The following RCC1L variants were observed in gnomAD, a reference collection of about 807,000 sequenced individuals.
The protein encoded by RCC1L is RCC1-like G exchanging factor-like protein.
Under a neutral mutation model 58.6 loss-of-function variants are expected in RCC1L, and 46 were observed. That is an observed-to-expected ratio of 0.79 (90% CI 0.62 to 1.00). The LOEUF (loss-of-function observed/expected upper bound fraction) is 1.00. RCC1L is among the 50% of genes least tolerant of loss of function. RCC1L has a pLI of 0.00. For missense variants in RCC1L, 636 were observed against 623.6 expected (o/e 1.02, Z -0.21); for synonymous variants, 281 against 262.9 (o/e 1.07, Z -0.67).
chr7:75,053,952 C>T (rs915492643), intron 9 of RCC1L, among the ~76,000 whole-genome samples: 2 of 152,122 alleles, frequency 1.3e-5, no homozygotes, highest in Non-Finnish European at 1.5e-5. Flanking sequence ...GCCCAGGCTG[C>T]GACGCAGTGG....
intron 2 of RCC1L, among the ~76,000 whole-genome samples, chr7:75,068,216 A>ATTTACCTATCCTCAGCTTGCCC (rs1273500412): frequency 9.2e-5 from 14 of 151,756 alleles, no homozygotes; most frequent in African/African-American, 3.4e-4. Context: ...GCTACCTGGA[A>ATTTACCTATCCTCAGCTTGCCC]AGCTGAGGCA....
chr7:75,028,231 C>T (rs1289801670), intron 10 of RCC1L, among the ~76,000 whole-genome samples: 1 of 151,906 alleles, frequency 6.6e-6, no homozygotes, highest in Admixed American at 6.6e-5. Flanking sequence ...AGCGAGTCTC[C>T]TACATTGGCC....
In RCC1L at chr7:75,042,606, T is replaced by C. The variant is rs1805599160; in HGVS notation, c.*426A>G. ...CTGACTCCCTCGCCTAAGCTGGGGC[T>C]CGGTCCGAGGCACACGCATGGCCTT... On this transcript the variant is annotated 3_prime_UTR_variant, in exon 11 of 11. Coordinates refer to ENST00000610322, the MANE Select transcript of RCC1L (RefSeq NM_030798.5). The C allele has an allele frequency of 2.0e-6, 2 of 1,005,934 alleles. No individual in the cohort carries two copies. Among genetic ancestry groups the C allele is most frequent in the African/African-American group, 3.5e-5 (2 of 57,642 alleles). 62.3% of individuals were successfully genotyped at this position (1,005,934 alleles called of 1,614,324 possible).
At chr7:75,029,421 G>A (rs1304247010) in intron 10 of RCC1L, among the ~76,000 whole-genome samples, 1 of 147,272 alleles carries the variant, frequency 6.8e-6, no homozygotes, top group African/African-American at 2.5e-5. Flanking sequence ...TCGGTTCGCT[G>A]CAACCTCTGC....
At position 75,058,665 on chromosome 7, in the gene RCC1L, C is replaced by G. The variant is rs1233689594; in HGVS notation, c.892G>C (p.Val298Leu). The change falls in exon 7 of 11, where the codon GTG (valine) becomes CTG (leucine). Residue 298 changes from valine to leucine, a missense_variant. Physicochemically the swap from Val to Leu is conservative, Grantham distance 32. Coordinates refer to ENST00000610322, the MANE Select transcript of RCC1L (RefSeq NM_030798.5). ...VATYGDCCLA[V>L]SADGGLFGWG... ...CCAAAAAGTCCTCCGTCGGCGGACA[C>G]GGCCAGGCAGCAATCACCGTAGGTG... The G allele has an allele frequency of 3.7e-6, 6 of 1,613,916 alleles. No individual in the cohort carries two copies. The highest frequency in any genetic ancestry group is 5.1e-6 in the Non-Finnish European group (6 of 1,179,834).
Position 75,073,512 on chromosome 7 carries a change from A to C in RCC1L, c.226T>G (p.Ser76Ala). ...FSFSGALGVP[S>A]FVVPSSGPGP... ...GGCCCGGAGCTGGGCACCACAAAGG[A>C]AGGCACGCCCAGCGCCCCCGAGAAG... Residue 76 changes from serine (S) to alanine (A), a missense_variant, in exon 1 of 11, where the codon TCC becomes GCC. Transcript: ENST00000610322. 1 of 1,435,056 alleles carries C rather than the reference A, an allele frequency of 7.0e-7. No homozygotes were observed. Among genetic ancestry groups the C allele is most frequent in the Non-Finnish European group, 9.1e-7 (1 of 1,101,094 alleles). 88.9% of individuals were successfully genotyped at this position (1,435,056 alleles called of 1,614,324 possible). A position where few individuals can be genotyped will look rare whatever the true frequency, so the allele number is the denominator to read the frequency against.
intron 8 of RCC1L, 101 bp from the exon 9 acceptor site, chr7:75,056,175 GTTTT>G (rs1205267212): frequency 8.0e-6 from 10 of 1,250,786 alleles, no homozygotes; most frequent in African/African-American, 4.6e-5. Context: ...CATCCACACG[GTTTT>G]TTTTTGTTTT....
chr7:75,041,506 A>G (rs868971292), downstream of RCC1L, among the ~76,000 whole-genome samples: 1 of 152,138 alleles, frequency 6.6e-6, no homozygotes, highest in Non-Finnish European at 1.5e-5. Context: ...AGCCTGTGAC[A>G]TGAGTACCAA....
chr7:75,059,038 A>G (rs1374646961), intron 6 of RCC1L, among the ~76,000 whole-genome samples: 1 of 150,884 alleles, frequency 6.6e-6, no homozygotes, highest in Non-Finnish European at 1.5e-5. Context: ...AAAAATTACA[A>G]AAAAATTATT....
At chr7:75,056,146 A>C in intron 8 of RCC1L, 72 bp from the exon 9 acceptor site, 1 of 1,551,034 alleles carries the variant, frequency 6.4e-7, no homozygotes, top group Non-Finnish European at 8.9e-7. Context: ...AACTCAAACT[A>C]CACCACCAAG....
At position 75,048,268 on chromosome 7, in the gene RCC1L, A is replaced by G. The variant is rs1439733590; in HGVS notation, c.1317+4443T>C. On this transcript the variant is annotated intron_variant, in intron 10 of 10. Coordinates refer to ENST00000610322, the MANE Select transcript of RCC1L (RefSeq NM_030798.5). ...GGTGACAAAGCAGGACATCGCCTCA[A>G]AAAAAAAAAAAAAAAAAAAGAACCA... 3.5e-4 allele frequency among the ~76,000 whole-genome samples: 3 copies of G among 8,692 alleles called. No homozygotes were observed. In the East Asian group the frequency reaches 0.039, roughly 114 times the overall value. The allele number at this position is 8,692 out of a possible 152,430, so 5.7% of individuals were successfully genotyped here. A position where few individuals can be genotyped will look rare whatever the true frequency, so the allele number is the denominator to read the frequency against.
intron 9 of RCC1L, 187 bp downstream of exon 9, chr7:75,055,714 G>GT (rs1806054595): frequency 1.5e-6 from 1 of 682,776 alleles, no homozygotes; most frequent in African/African-American, 1.8e-5. Context: ...CTCCAGGGGG[G>GT]GAAAACAAGA....
chr7:75,061,314 G>T lies in RCC1L; in HGVS notation c.703-23C>A. On this transcript the variant is annotated intron_variant, in intron 5 of 10. Transcript: ENST00000610322. ...GACCTAGCAGACAAACAGAGGTAAG[G>T]GGGATGAGAGGAAATACTTAGAACC... 1.2e-6 allele frequency: 2 copies of T among 1,606,974 alleles called. 1 individual carries two copies. Among genetic ancestry groups the T allele is most frequent in the South Asian group, 2.2e-5 (2 of 90,878 alleles).
At chr7:75,072,161 C>CATATACATATACATATATATATAT in intron 1 of RCC1L, among the ~76,000 whole-genome samples, 1 of 46,368 alleles carries the variant, frequency 2.2e-5, no homozygotes, top group African/African-American at 5.8e-5. Flanking sequence ...TATACATATA[C>CATATACATATACATATATATATAT]ATATATATAT....
chr7:75,061,397 G>A, intron 5 of RCC1L, 106 bp from the exon 6 acceptor site: 1 of 921,658 alleles, frequency 1.1e-6, no homozygotes. Context: ...TGGGCACCTG[G>A]AGCATGGTCC....
At chr7:75,038,619 G>A (rs2131972060), downstream of RCC1L, among the ~76,000 whole-genome samples, 1 of 151,828 alleles carries the variant, frequency 6.6e-6, no homozygotes, top group South Asian at 2.1e-4. Flanking sequence ...AGACCAGGCA[G>A]GGGTGGAGGA....
At chr7:75,056,855 G>T in intron 8 of RCC1L, 1 of 919,362 alleles carries the variant, frequency 1.1e-6, no homozygotes, top group Non-Finnish European at 1.7e-6. Context: ...GTCTCACCGT[G>T]TTGCCCAGTG....
At chr7:75,054,923 C>G (rs1336211343) in intron 9 of RCC1L, among the ~76,000 whole-genome samples, 1 of 152,234 alleles carries the variant, frequency 6.6e-6, no homozygotes, top group African/African-American at 2.4e-5. Flanking sequence ...AAAACTCCAG[C>G]TGGCAGCCAT....
chr7:75,035,765 G>A lies in RCC1L; in HGVS notation c.1318-7686C>T, dbSNP rs1182955111. Among the ~76,000 whole-genome samples the A allele has an allele frequency of 3.9e-5, 6 of 152,044 alleles. No homozygotes were observed. In the East Asian group the frequency reaches 5.8e-4, roughly 15 times the overall value. ...GCCTGTAATCCCAACACTTTGGAAGGCTGAGGCAAGAGAATCATTTGAGCC... is the reference window on the plus strand; with the variant it reads ...GCCTGTAATCCCAACACTTTGGAAGACTGAGGCAAGAGAATCATTTGAGCC... On this transcript the variant is annotated intron_variant, in intron 10 of 10. Coordinates refer to the RCC1L transcript ENST00000614461.
Sources: gnomAD v4.1 joint callset for allele counts (sites outside exome capture counted in the v4.1 genomes callset) on GRCh38, gnomAD v4.1.1 for gene constraint, MANE v1.5 for transcripts, NCBI Gene and HGNC (gene_info 2026-07-23, HGNC 2026-07-21) for gene names.